LPGAT1: variants seen among roughly 807,000 people sequenced by gnomAD.
LPGAT1 encodes acyl-CoA:lysophosphatidylglycerol acyltransferase 1.
LPGAT1 carries 11 observed loss-of-function variants against 47.5 expected under a neutral mutation model. The ratio of observed to expected loss-of-function variants is 0.23; its 90% CI spans 0.15 to 0.38. The LOEUF is 0.38. Among genes scored for constraint, LPGAT1 ranks in the 10% least tolerant of loss-of-function variants. The pLI is 1.00. For synonymous variants in LPGAT1, 138 were observed against 144.2 expected (o/e 0.96, Z 0.31); for missense variants, 293 against 439.0 (o/e 0.67, Z 2.97).
At chr1:211,767,165 G>C (rs955705280) in intron 6 of LPGAT1, among the ~76,000 whole-genome samples, 4 of 152,056 alleles carry the variant, frequency 2.6e-5, no homozygotes, top group Admixed American at 6.6e-5. Context: ...TTGAGACATG[G>C]TCTCACTCTG....
At chr1:211,804,942 T>C (rs1007913731) in intron 2 of LPGAT1, among the ~76,000 whole-genome samples, 6 of 152,172 alleles carry the variant, frequency 3.9e-5, no homozygotes, top group African/African-American at 1.2e-4. Flanking sequence ...CTGCACATTG[T>C]AGAAGACATG....
At chr1:211,756,356 T>G (rs76756606) in intron 6 of LPGAT1, among the ~76,000 whole-genome samples, 7 of 152,214 alleles carry the variant, frequency 4.6e-5, no homozygotes, top group African/African-American at 7.2e-5. Flanking sequence ...TCTTTTTTTT[T>G]GTCTCACTCT....
intron 6 of LPGAT1, among the ~76,000 whole-genome samples, chr1:211,764,172 CAA>C (rs11412742): frequency 6.0e-5 from 8 of 132,424 alleles, no homozygotes; most frequent in Non-Finnish European, 1.6e-5. Flanking sequence ...GACTCCATCT[CAA>C]AAAAAAAAAA....
chr1:211,766,206 G>A (rs951887895), intron 6 of LPGAT1, among the ~76,000 whole-genome samples: 4 of 152,090 alleles, frequency 2.6e-5, no homozygotes, highest in Non-Finnish European at 1.5e-5. Context: ...AACTGACAAC[G>A]TTGGCTCCCT....
At chr1:211,816,341 C>T (rs1211690566) in intron 2 of LPGAT1, among the ~76,000 whole-genome samples, 1 of 152,202 alleles carries the variant, frequency 6.6e-6, no homozygotes, top group Non-Finnish European at 1.5e-5. Context: ...TTGTTTGCCA[C>T]TGTACTCCCA....
chr1:211,771,985 A>T (rs899470074), intron 6 of LPGAT1, among the ~76,000 whole-genome samples: 1 of 152,134 alleles, frequency 6.6e-6, no homozygotes, highest in Non-Finnish European at 1.5e-5. Context: ...TGCCCAGGCT[A>T]GCCTCAAACC....
chr1:211,762,944 G>T (rs577085024), intron 6 of LPGAT1, among the ~76,000 whole-genome samples: 3 of 152,132 alleles, frequency 2.0e-5, no homozygotes, highest in African/African-American at 7.2e-5. Flanking sequence ...ACTAAGCACC[G>T]AAGAAGATTC....
chr1:211,829,519 A>C (rs1367969631), intron 1 of LPGAT1, 196 bp from the exon 2 acceptor site: 1 of 1,421,876 alleles, frequency 7.0e-7, no homozygotes, highest in Non-Finnish European at 9.2e-7. Context: ...CACAAGGTCA[A>C]GGGAGCTGTT....
chr1:211,768,971 C>A (rs1366583878), intron 6 of LPGAT1, among the ~76,000 whole-genome samples: 2 of 152,108 alleles, frequency 1.3e-5, no homozygotes, highest in Non-Finnish European at 2.9e-5. Context: ...AGTATAGACA[C>A]AGGGGAATGA....
In LPGAT1 at chr1:211,749,995, G is replaced by A. The variant is rs1657107360; in HGVS notation, c.1017C>T (p.Leu339=). ...HKEAVSREMT[L]SNLWIFLIQS... ...GTATGAGAAATATCCACAAGTTGCT[G>A]AGGGTCATCTCCCTGGAAACAGCTT... is the stretch of plus-strand genomic sequence containing the variant. Residue 339 remains leucine (L), a synonymous_variant, in exon 8 of 8, where the codon CTC becomes CTT. Transcript: ENST00000366997. 15 of 1,613,986 alleles carry A rather than the reference G, an allele frequency of 9.3e-6. No individual in the cohort carries two copies. Among genetic ancestry groups the A allele is most frequent in the Non-Finnish European group, 1.3e-5 (15 of 1,179,960 alleles).
rs2102480368 is a variant in LPGAT1 at position 211,748,214 on chromosome 1, C to T, written c.*1685G>A. ...TCACATCACAGTAAACTACCACTGA[C>T]TTACTAGGATCTTAATAGTCTTACA... On this transcript the variant is annotated 3_prime_UTR_variant, in exon 8 of 8. Transcript: ENST00000366997. 6.5e-6 allele frequency: 1 copy of T among 152,724 alleles called. No homozygotes were observed. Among genetic ancestry groups the T allele is most frequent in the Admixed American group, 6.5e-5 (1 of 15,296 alleles). 9.5% of individuals were successfully genotyped at this position (152,724 alleles called of 1,614,324 possible). A position where few individuals can be genotyped will look rare whatever the true frequency, so the allele number is the denominator to read the frequency against.
chr1:211,765,839 C>T (rs1321980226), intron 6 of LPGAT1, among the ~76,000 whole-genome samples: 1 of 152,128 alleles, frequency 6.6e-6, no homozygotes, highest in Non-Finnish European at 1.5e-5. Flanking sequence ...GCCCAGATAG[C>T]TGGTAAAACA....
chr1:211,830,697 G>C lies in LPGAT1; in HGVS notation c.-152C>G. The C allele has an allele frequency of 8.4e-7, 1 of 1,189,670 alleles. No individual in the cohort carries two copies. Among genetic ancestry groups the C allele is most frequent in the African/African-American group, 1.6e-5 (1 of 62,724 alleles). 73.7% of individuals were successfully genotyped at this position (1,189,670 alleles called of 1,614,324 possible). A position where few individuals can be genotyped will look rare whatever the true frequency, so the allele number is the denominator to read the frequency against. On this transcript the variant is annotated 5_prime_UTR_variant, in exon 1 of 8. Coordinates refer to ENST00000366997, the MANE Select transcript of LPGAT1 (RefSeq NM_014873.3). The surrounding 1 kb of genome is among the most constrained non-coding windows in gnomAD (Gnocchi z 5.9). Reference sequence around the variant, plus strand: ...CCTGCCCCGCTCCGGCTGTGGCGCGGCCCGCGCCCGTTCCCCGGCGGCGCC... The same window carrying C: ...CCTGCCCCGCTCCGGCTGTGGCGCGCCCCGCGCCCGTTCCCCGGCGGCGCC...
intron 6 of LPGAT1, among the ~76,000 whole-genome samples, chr1:211,754,938 CAGG>C (rs985922072): frequency 6.6e-6 from 1 of 150,774 alleles, no homozygotes; most frequent in Non-Finnish European, 1.5e-5. Flanking sequence ...TGCTTGAACC[CAGG>C]AGGTGGAGGT....
Position 211,743,979 on chromosome 1 carries a change from T to C in LPGAT1, c.*5920A>G, listed in dbSNP as rs1287804680. The C allele has an allele frequency of 6.6e-6, 1 of 152,208 alleles. No homozygotes were observed. The highest frequency in any genetic ancestry group is 2.4e-5 in the African/African-American group (1 of 41,460). The allele number at this position is 152,208 out of a possible 1,614,324, so 9.4% of individuals were successfully genotyped here. On this transcript the variant is annotated 3_prime_UTR_variant, in exon 8 of 8. Transcript: ENST00000366997. ...CATCTTAGAGATGCCTATACCACAG[T>C]TTACTTAGCTTTGAGAAATGAAAAG...
chr1:211,777,184 T>C lies in LPGAT1; in HGVS notation c.854+1734A>G, dbSNP rs1658438485. ...AAGTCACTCTACAGTTGATAGACACTATTCCTGGGAGCTGCTAAAGACATG... is the reference window on the plus strand; with the variant it reads ...AAGTCACTCTACAGTTGATAGACACCATTCCTGGGAGCTGCTAAAGACATG... On this transcript the variant is annotated intron_variant, in intron 6 of 7. Transcript: ENST00000366997. Among the ~76,000 whole-genome samples, 3 of 152,178 alleles carry C rather than the reference T, an allele frequency of 2.0e-5. No individual in the cohort carries two copies. In the South Asian group the frequency reaches 6.2e-4, roughly 31 times the overall value.
intron 6 of LPGAT1, among the ~76,000 whole-genome samples, chr1:211,756,362 A>G (rs750043018): frequency 8.6e-5 from 13 of 151,810 alleles, no homozygotes; most frequent in Non-Finnish European, 1.8e-4. Context: ...TTTTTGTCTC[A>G]CTCTGTCACT....
rs931060611 is a variant in LPGAT1, at chr1:211,746,792, T to G, written c.*3107A>C. 6.6e-6 allele frequency: 1 copy of G among 152,242 alleles called. No individual in the cohort carries two copies. The highest frequency in any genetic ancestry group is 6.5e-5 in the Admixed American group (1 of 15,286). The allele number at this position is 152,242 out of a possible 1,614,324, so 9.4% of individuals were successfully genotyped here. A position where few individuals can be genotyped will look rare whatever the true frequency, so the allele number is the denominator to read the frequency against. Reference sequence around the variant, plus strand: ...GTAATTTTTCTTTACCTTCCATTACTTACAGGTTTCTCTGCAATTTAAGTA... The same window carrying G: ...GTAATTTTTCTTTACCTTCCATTACGTACAGGTTTCTCTGCAATTTAAGTA... On this transcript the variant is annotated 3_prime_UTR_variant, in exon 8 of 8. Transcript: ENST00000366997.
rs182920336 is a variant in LPGAT1, at chr1:211,824,600, T to C, written c.238+4459A>G. Among the ~76,000 whole-genome samples, 7 of 152,318 alleles carry C rather than the reference T, an allele frequency of 4.6e-5. No homozygotes were observed. The East Asian group carries it at 1.4e-3, about 29-fold the overall frequency. On this transcript the variant is annotated intron_variant, in intron 2 of 7. Transcript: ENST00000366997. Reference sequence around the variant, plus strand: ...AGAGTTTTCCAAAATCCCAGTGCTCTTTCCACTAGAACAATGCCTCTCAAA... The same window carrying C: ...AGAGTTTTCCAAAATCCCAGTGCTCCTTCCACTAGAACAATGCCTCTCAAA...
Sources: allele counts gnomAD v4.1 joint callset (sites outside exome capture counted in the v4.1 genomes callset), GRCh38; gene constraint gnomAD v4.1.1; non-coding constraint Gnocchi (gnomAD v3.1); transcripts MANE v1.5; gene names NCBI Gene and HGNC (gene_info 2026-07-23, HGNC 2026-07-21).